VPS8: variants seen among roughly 807,000 people sequenced by gnomAD.
VPS8 encodes vacuolar protein sorting-associated protein 8 homolog.
Under a neutral mutation model 216.4 loss-of-function variants are expected in VPS8, and 129 were observed. The observed-to-expected ratio is 0.60, with a 90% CI of 0.52 to 0.69. VPS8 has a LOEUF of 0.69. VPS8 is among the 30% of genes least tolerant of loss of function. VPS8 has a pLI of 0.00. For synonymous variants in VPS8, 571 were observed against 565.4 expected (o/e 1.01, Z -0.14); for missense variants, 1,531 against 1,683.5 (o/e 0.91, Z 1.59).
At chr3:184,912,279 A>G (rs1205164663) in intron 25 of VPS8, among the ~76,000 whole-genome samples, 1 of 152,176 alleles carries the variant, frequency 6.6e-6, no homozygotes, top group African/African-American at 2.4e-5. Context: ...TAAACATAGA[A>G]TAGAGGAAGA....
Position 184,966,699 on chromosome 3 carries a change from C to T in VPS8, c.3302C>T (p.Thr1101Ile), listed in dbSNP as rs375582845. 7 of 1,591,250 alleles carry T rather than the reference C, an allele frequency of 4.4e-6. No homozygotes were observed. The African/African-American group carries it at 6.7e-5, about 15-fold the overall frequency. Residue 1101 changes from threonine to isoleucine, a missense_variant, in exon 39 of 48, where the codon ACA becomes ATA. Around this residue, in one of 3 missense-constraint regions of VPS8, gnomAD observed 1,318 missense variants for 1,468.4 expected, o/e 0.90. Coordinates refer to ENST00000625842, the MANE Select transcript of VPS8 (RefSeq NM_001009921.3). ...ERLQSKLQEVTHQGENTKEDP... is the reference protein window; with the variant it reads ...ERLQSKLQEVIHQGENTKEDP... ...CTACAAAGCAAACTTCAAGAGGTAA[C>T]ACATCAAGGTGAAAGTAAGTTCTTG...
chr3:184,912,249 G>A (rs771929849), intron 25 of VPS8, among the ~76,000 whole-genome samples: 4 of 152,088 alleles, frequency 2.6e-5, no homozygotes, highest in Admixed American at 6.6e-5. Flanking sequence ...TTTCTAACTC[G>A]CTCAGGTACA....
Position 184,928,669 on chromosome 3 carries a change from G to A in VPS8, c.2714+136G>A, listed in dbSNP as rs547535990. The A allele has an allele frequency of 7.0e-6, 5 of 717,414 alleles. No homozygotes were observed. The East Asian group carries it at 1.4e-4, about 20-fold the overall frequency. The allele number at this position is 717,414 out of a possible 1,614,324, so 44.4% of individuals were successfully genotyped here. On this transcript the variant is annotated intron_variant, in intron 32 of 47. Transcript: ENST00000625842. ...TTATACAAATAACAAAAAGCTAAGG[G>A]TGAAAATTTTTCCCTTTTAATTGAA...
At chr3:184,926,938 A>G (rs1739765077) in intron 31 of VPS8, among the ~76,000 whole-genome samples, 1 of 152,164 alleles carries the variant, frequency 6.6e-6, no homozygotes, top group Non-Finnish European at 1.5e-5. Flanking sequence ...GACTTCTTGT[A>G]CCCTGCATTC....
chr3:184,895,243 C>G (rs761951973), intron 23 of VPS8, among the ~76,000 whole-genome samples: 5 of 152,106 alleles, frequency 3.3e-5, no homozygotes, highest in Non-Finnish European at 5.9e-5. Context: ...CCCTCTTTAT[C>G]AGCTTGTTCG....
At chr3:184,861,628 A>T (rs1235097931) in intron 15 of VPS8, among the ~76,000 whole-genome samples, 1 of 152,236 alleles carries the variant, frequency 6.6e-6, no homozygotes. Context: ...TTTGAGATAC[A>T]GTACTTTAAA....
At chr3:185,029,600 T>A (rs889228122) in intron 46 of VPS8, among the ~76,000 whole-genome samples, 1 of 151,820 alleles carries the variant, frequency 6.6e-6, no homozygotes, top group Non-Finnish European at 1.5e-5. Context: ...AGTCTCACTC[T>A]GTTGCCCGGC....
intron 46 of VPS8, among the ~76,000 whole-genome samples, chr3:185,032,995 T>C (rs1758392411): frequency 6.6e-6 from 1 of 152,158 alleles, no homozygotes; most frequent in Admixed American, 6.5e-5. Context: ...ACCGTAGTTT[T>C]AGGTTTACAG....
At position 184,983,591 on chromosome 3, in the gene VPS8, G is replaced by A. The variant is rs76691035; in HGVS notation, c.3585+497G>A. Among the ~76,000 whole-genome samples, 669 of 152,048 alleles carry A rather than the reference G, an allele frequency of 4.4e-3. 7 individuals are homozygous for A. The highest frequency in any genetic ancestry group is 0.015 in the African/African-American group (628 of 41,470). ...AAGCTTTTGTAGGAAGCATTATTTT[G>A]GTTTGCTTCTTTCAACAAAAAAGCC... On this transcript the variant is annotated intron_variant, in intron 42 of 47. Transcript: ENST00000625842.
At chr3:184,979,497 A>G (rs1471387775) in intron 40 of VPS8, among the ~76,000 whole-genome samples, 1 of 152,240 alleles carries the variant, frequency 6.6e-6, no homozygotes, top group Non-Finnish European at 1.5e-5. Context: ...TTGGGTGCAT[A>G]TGTATTAGGA....
At chr3:184,908,707 A>G (rs1735934100) in intron 25 of VPS8, among the ~76,000 whole-genome samples, 1 of 152,180 alleles carries the variant, frequency 6.6e-6, no homozygotes, top group African/African-American at 2.4e-5. Flanking sequence ...CCAGCATCCA[A>G]GAAGAATGAG....
At position 185,051,951 on chromosome 3, in the gene VPS8, C is replaced by A. The variant is rs1714348068; in HGVS notation, c.4213C>A (p.Pro1405Thr). The A allele has an allele frequency of 1.9e-6, 3 of 1,613,482 alleles. No individual in the cohort carries two copies. The highest frequency in any genetic ancestry group is 1.3e-5 in the African/African-American group (1 of 74,944). ...GCCATTCAGTGGCTCGCAGAGTGCT[C>A]CTGCTTTCAACAGCATCTTCCAGAA... ...YRPFSGSQSA[P>T]AFNSIFQNEN... The change falls in exon 48 of 48, where the codon CCT (proline) becomes ACT (threonine). Residue 1405 changes from proline (P) to threonine (T), a missense_variant. Transcript: ENST00000625842.
chr3:185,001,966 G>GCA (rs1321665382), intron 45 of VPS8, among the ~76,000 whole-genome samples: 271 of 152,288 alleles, frequency 1.8e-3, no homozygotes, highest in African/African-American at 6.1e-3. Flanking sequence ...ATAGACATGA[G>GCA]GGATCATGGA....
At chr3:184,925,435 G>A (rs1399258765) in intron 30 of VPS8, among the ~76,000 whole-genome samples, 3 of 152,172 alleles carry the variant, frequency 2.0e-5, no homozygotes, top group Non-Finnish European at 4.4e-5. Context: ...AACTAAAAAT[G>A]ACTAACATTT....
At chr3:185,019,295 G>A (rs576281109) in intron 45 of VPS8, among the ~76,000 whole-genome samples, 42 of 152,138 alleles carry the variant, frequency 2.8e-4, no homozygotes, top group South Asian at 1.2e-3. Flanking sequence ...ACCACTTGCC[G>A]AGACCAGCTC....
intron 25 of VPS8, among the ~76,000 whole-genome samples, chr3:184,912,087 A>T (rs888770460): frequency 6.6e-6 from 1 of 152,056 alleles, no homozygotes; most frequent in Admixed American, 6.6e-5. Flanking sequence ...TTTACTTCTG[A>T]AGAGTTGTTG....
intron 33 of VPS8, 135 bp downstream of exon 33, chr3:184,929,799 C>G: frequency 1.8e-6 from 1 of 547,456 alleles, no homozygotes; most frequent in South Asian, 2.7e-5. Flanking sequence ...AGATACAGTT[C>G]TTGCAGTTTT....
chr3:184,855,158 GT>G (rs896846192), intron 13 of VPS8, among the ~76,000 whole-genome samples: 4 of 150,994 alleles, frequency 2.6e-5, no homozygotes, highest in Admixed American at 6.6e-5. Context: ...TGTTTTTATT[GT>G]TTTTTTTCAA....
chr3:185,036,135 A>G (rs2108481733), intron 46 of VPS8, among the ~76,000 whole-genome samples: 1 of 152,352 alleles, frequency 6.6e-6, no homozygotes, highest in South Asian at 2.1e-4. Flanking sequence ...ATGGAAAAAC[A>G]GTCCATGCTC....
Sources: gnomAD v4.1 joint callset for allele counts (sites outside exome capture counted in the v4.1 genomes callset) on GRCh38, gnomAD v4.1.1 for gene constraint, gnomAD v4.1.1 regional missense constraint, MANE v1.5 for transcripts, NCBI Gene and HGNC (gene_info 2026-07-23, HGNC 2026-07-21) for gene names.